The following MAGEL2 variants were observed in gnomAD, a reference collection of about 807,000 sequenced individuals.
MAGEL2 encodes the protein MAGE family member L2.
For missense variants in MAGEL2, 1,830 were observed against 1,699.2 expected, an observed-to-expected ratio of 1.08 and a Z score of -1.35; for synonymous variants, 792 against 721.7, an observed-to-expected ratio of 1.10 and a Z score of -1.56.
Position 23,645,016 on chromosome 15 carries a change from C to T in MAGEL2, c.2727G>A (p.Gln909=). 6.2e-7 allele frequency: 1 copy of T among 1,613,954 alleles called. No individual in the cohort carries two copies. The highest frequency in any genetic ancestry group is 8.5e-7 in the Non-Finnish European group (1 of 1,179,898). Residue 909 remains glutamine (Q), a synonymous_variant, in exon 1 of 1, where the codon CAG becomes CAA. Transcript: ENST00000650528. ...RGHTLAFHDW[Q]GPRPWENLNL... ...TTAGATTCTCCCAGGGCCTTGGGCC[C>T]TGCCAGTCATGAAAGGCTAGCGTGT... is the stretch of plus-strand genomic sequence containing the variant.
Position 23,645,485 on chromosome 15 carries a change from G to A in MAGEL2, c.2258C>T (p.Ala753Val). ...TGCCTTGGGAGCACAGAAGGTGGCA[G>A]CAAAGATCATGCGGTCTTTTGAAGG... ...RAPSKDRMIF[A>V]ATFCAPKAVS... Residue 753 changes from alanine to valine, a missense_variant, in exon 1 of 1, where the codon GCT becomes GTT. By Grantham distance (64) the Ala-to-Val change is moderately conservative. Coordinates refer to ENST00000650528, the MANE Select transcript of MAGEL2 (RefSeq NM_019066.5). 1.2e-6 allele frequency: 2 copies of A among 1,613,984 alleles called. No homozygotes were observed. Among genetic ancestry groups the A allele is most frequent in the Non-Finnish European group, 1.7e-6 (2 of 1,179,898 alleles).
chr15:23,644,337 G>T lies in MAGEL2; in HGVS notation c.3406C>A (p.Leu1136Met), dbSNP rs778703892. 1.9e-5 allele frequency: 30 copies of T among 1,613,806 alleles called. No homozygotes were observed. The Middle Eastern group carries it at 8.2e-4, about 44-fold the overall frequency. Residue 1136 changes from leucine (L) to methionine (M), a missense_variant, in exon 1 of 1, where the codon CTG becomes ATG. Transcript: ENST00000650528. The stretch of plus-strand genomic sequence containing the variant: ...CGGACATCCAACCCTAACTTGAACA[G>T]AAAATTAAAGATCAGATCCTCCCTG... ...CVREDLIFNF[L>M]FKLGLDVRET...
rs769676927 is a variant in MAGEL2, at chr15:23,643,998, G to C, written c.3745C>G (p.Arg1249Gly). 5 of 1,592,552 alleles carry C rather than the reference G, an allele frequency of 3.1e-6. No homozygotes were observed. Among genetic ancestry groups the C allele is most frequent in the Non-Finnish European group, 4.3e-6 (5 of 1,167,060 alleles). The change falls in exon 1 of 1, where the codon CGC becomes GGC. Residue 1249 changes from arginine to glycine, a missense_variant. By Grantham distance (125) the Arg-to-Gly change is moderately radical. Coordinates refer to ENST00000650528, the MANE Select transcript of MAGEL2 (RefSeq NM_019066.5). Reference sequence around the variant, plus strand: ...CGAGATCTCTGCTACACCTATTAGCGGGGAGGGGGCCTGCTGGTGGGGCCG... The same window carrying C: ...CGAGATCTCTGCTACACCTATTAGCCGGGAGGGGGCCTGCTGGTGGGGCCG... ...AHGPTSRPPPR is the reference protein window; with the variant it reads ...AHGPTSRPPPG
Position 23,646,355 on chromosome 15 carries a change from G to A in MAGEL2, c.1388C>T (p.Ala463Val). ...QAPPVIRQAP[A>V]VIRQAPPVIR... ...CACAGGTGGGGCCTGGCGGATCACA[G>A]CGGGGGCCTGGCGGATCACGGGTGG... The change falls in exon 1 of 1, where the codon GCT becomes GTT. Residue 463 changes from alanine (A) to valine (V), a missense_variant. Physicochemically the swap from Ala to Val is moderately conservative, Grantham distance 64. Transcript: ENST00000650528. This position sits in a 1 kb window ranked among gnomAD's most constrained non-coding sequence, Gnocchi z 4.2. 1 of 1,384,642 alleles carries A rather than the reference G, an allele frequency of 7.2e-7. No homozygotes were observed. 85.8% of individuals were successfully genotyped at this position (1,384,642 alleles called of 1,614,324 possible).
Position 23,644,983 on chromosome 15 carries a change from A to T in MAGEL2, c.2760T>A (p.Ser920Arg), listed in dbSNP as rs1205075175. Reference sequence around the variant, plus strand: ...GGATAGGGCTTTGGACCTCCCAGTCACTCAGATTTAGATTCTCCCAGGGCC... The same window carrying T: ...GGATAGGGCTTTGGACCTCCCAGTCTCTCAGATTTAGATTCTCCCAGGGCC... Reference protein sequence around the residue: ...GPRPWENLNLSDWEVQSPIQV... With the variant: ...GPRPWENLNLRDWEVQSPIQV... The change falls in exon 1 of 1, where the codon AGT (serine) becomes AGA (arginine). Residue 920 changes from serine to arginine, a missense_variant. Physicochemically the swap from Ser to Arg is moderately radical, Grantham distance 110. Transcript: ENST00000650528. The T allele has an allele frequency of 1.2e-6, 2 of 1,613,550 alleles. No homozygotes were observed. Among genetic ancestry groups the T allele is most frequent in the African/African-American group, 2.7e-5 (2 of 74,868 alleles).
At position 23,645,480 on chromosome 15, in the gene MAGEL2, T is replaced by C; in HGVS notation, c.2263A>G (p.Thr755Ala). ...GACACTGCCTTGGGAGCACAGAAGGTGGCAGCAAAGATCATGCGGTCTTTT... is the reference window on the plus strand; with the variant it reads ...GACACTGCCTTGGGAGCACAGAAGGCGGCAGCAAAGATCATGCGGTCTTTT... ...PSKDRMIFAA[T>A]FCAPKAVSAA... is the part of the protein sequence containing the mutation. The change falls in exon 1 of 1, where the codon ACC becomes GCC. Residue 755 changes from threonine to alanine, a missense_variant. By Grantham distance (58) the Thr-to-Ala change is moderately conservative. Coordinates refer to ENST00000650528, the MANE Select transcript of MAGEL2 (RefSeq NM_019066.5). 1 of 1,613,872 alleles carries C rather than the reference T, an allele frequency of 6.2e-7. No homozygotes were observed. The highest frequency in any genetic ancestry group is 8.5e-7 in the Non-Finnish European group (1 of 1,179,868).
Position 23,644,386 on chromosome 15 carries a change from G to A in MAGEL2, c.3357C>T (p.Leu1119=). 1 of 1,613,900 alleles carries A rather than the reference G, an allele frequency of 6.2e-7. No homozygotes were observed. Among genetic ancestry groups the A allele is most frequent in the Non-Finnish European group, 8.5e-7 (1 of 1,179,872 alleles). The change falls in exon 1 of 1, where the codon CTC becomes CTT. Residue 1119 remains leucine (L), a synonymous_variant. Transcript: ENST00000650528. Reference sequence around the variant, plus strand: ...TGACACAGTTGCCTTTCATAAAGATGAGGCTCAAGACCACCATCAGAAGGC... The same window carrying A: ...TGACACAGTTGCCTTTCATAAAGATAAGGCTCAAGACCACCATCAGAAGGC... ...KFGLLMVVLS[L]IFMKGNCVRE...
In MAGEL2 at chr15:23,647,452, G is replaced by A; in HGVS notation, c.291C>T (p.Gly97=). ...GPIVPAPPLG[G]PMGKPPTPGV... ...CGGGAGTCGGAGGCTTACCCATCGG[G>A]CCCCCCAGCGGGGGAGCCGGGACTA... is the stretch of plus-strand genomic sequence containing the variant. Residue 97 remains glycine, a synonymous_variant, in exon 1 of 1, where the codon GGC becomes GGT. Coordinates refer to ENST00000650528, the MANE Select transcript of MAGEL2 (RefSeq NM_019066.5). 2.6e-6 allele frequency: 4 copies of A among 1,534,988 alleles called. No individual in the cohort carries two copies. The highest frequency in any genetic ancestry group is 3.5e-6 in the Non-Finnish European group (4 of 1,146,358).
In MAGEL2 at chr15:23,643,965, C is replaced by A; in HGVS notation, c.*28G>T. On this transcript the variant is annotated 3_prime_UTR_variant, in exon 1 of 1. Coordinates refer to ENST00000650528, the MANE Select transcript of MAGEL2 (RefSeq NM_019066.5). ...TGTCAGTGGCCTCTGGCCAGGGAAA[C>A]ACAGGAGCGAGATCTCTGCTACACC... 2.6e-6 allele frequency: 4 copies of A among 1,523,640 alleles called. No homozygotes were observed. Among genetic ancestry groups the A allele is most frequent in the Admixed American group, 2.1e-5 (1 of 47,636 alleles). The allele number at this position is 1,523,640 out of a possible 1,614,324, so 94.4% of individuals were successfully genotyped here.
In MAGEL2 at chr15:23,644,392, C is replaced by T. The variant is rs1890343867; in HGVS notation, c.3351G>A (p.Leu1117=). 1.2e-6 allele frequency: 2 copies of T among 1,613,776 alleles called. No homozygotes were observed. The highest frequency in any genetic ancestry group is 1.7e-6 in the Non-Finnish European group (2 of 1,179,876). The change falls in exon 1 of 1, where the codon TTG becomes TTA. Residue 1117 remains leucine (L), a synonymous_variant. Coordinates refer to ENST00000650528, the MANE Select transcript of MAGEL2 (RefSeq NM_019066.5). ...RPKFGLLMVV[L]SLIFMKGNCV... is the part of the protein sequence containing the mutation. ...AGTTGCCTTTCATAAAGATGAGGCTCAAGACCACCATCAGAAGGCCAAACT... is the reference window on the plus strand; with the variant it reads ...AGTTGCCTTTCATAAAGATGAGGCTTAAGACCACCATCAGAAGGCCAAACT...
At position 23,644,278 on chromosome 15, in the gene MAGEL2, C is replaced by T; in HGVS notation, c.3465G>A (p.Lys1155=). Reference sequence around the variant, plus strand: ...GCCTGACAAACACTTCGGTGATGAGCTTCTTAGTATTTCCAAAGAGACCGT... The same window carrying T: ...GCCTGACAAACACTTCGGTGATGAGTTTCTTAGTATTTCCAAAGAGACCGT... ...ETNGLFGNTK[K]LITEVFVRQK... is the part of the protein sequence containing the mutation. Residue 1155 remains lysine, a synonymous_variant, in exon 1 of 1, where the codon AAG becomes AAA. Transcript: ENST00000650528. The T allele has an allele frequency of 1.2e-6, 2 of 1,613,702 alleles. No homozygotes were observed. The highest frequency in any genetic ancestry group is 1.1e-5 in the South Asian group (1 of 91,072).
rs368034669 is a variant in MAGEL2, at chr15:23,645,101, C to G, written c.2642G>C (p.Arg881Pro). The change falls in exon 1 of 1, where the codon CGC becomes CCC. Residue 881 changes from arginine (R) to proline (P), a missense_variant. Transcript: ENST00000650528. The part of the protein sequence containing the change: ...ASKTSVEPPR[R>P]SGKATRKKKH... ...CTTCTTCCGGGTGGCCTTGCCGGAGCGGCGTGGCGGCTCGACGGAGGTCTT... is the reference window on the plus strand; with the variant it reads ...CTTCTTCCGGGTGGCCTTGCCGGAGGGGCGTGGCGGCTCGACGGAGGTCTT... 4.8e-5 allele frequency: 78 copies of G among 1,613,732 alleles called. No individual in the cohort carries two copies. Among genetic ancestry groups the G allele is most frequent in the South Asian group, 2.6e-4 (24 of 91,092 alleles).
In MAGEL2 at chr15:23,646,113, T is replaced by C. The variant is rs1890396388; in HGVS notation, c.1630A>G (p.Thr544Ala). ...PQVQAAPQVP[T>A]APPATQVPAA... ...GGTACCTGCGTAGCAGGTGGGGCCG[T>C]AGGCACCTGCGGCGCCGCCTGCACC... is the stretch of plus-strand genomic sequence containing the variant. The change falls in exon 1 of 1, where the codon ACG (threonine) becomes GCG (alanine). Residue 544 changes from threonine (T) to alanine (A), a missense_variant. Thr to Ala is a moderately conservative substitution (Grantham distance 58, BLOSUM62 0). Transcript: ENST00000650528. This position sits in a 1 kb window ranked among gnomAD's most constrained non-coding sequence, Gnocchi z 4.2. 19 of 1,391,292 alleles carry C rather than the reference T, an allele frequency of 1.4e-5. No homozygotes were observed. The highest frequency in any genetic ancestry group is 1.8e-5 in the Non-Finnish European group (19 of 1,082,364). The allele number at this position is 1,391,292 out of a possible 1,614,324, so 86.2% of individuals were successfully genotyped here. A position where few individuals can be genotyped will look rare whatever the true frequency, so the allele number is the denominator to read the frequency against.
In MAGEL2 at chr15:23,645,665, A is replaced by AAGACTGCAGGCGGTGCCTGCC; in HGVS notation, c.2057_2077dup (p.Trp686_Val692dup). On this transcript the variant is annotated inframe_insertion, in exon 1 of 1. Transcript: ENST00000650528. The stretch of plus-strand genomic sequence containing the variant: ...TACCGGGGGTCCGGGCTGGGCCTGC[A>AAGACTGCAGGCGGTGCCTGCC]AGACTGCAGGCGGTGCCTGCCAGGA... 6.4e-7 allele frequency: 1 copy of AAGACTGCAGGCGGTGCCTGCC among 1,571,074 alleles called. No homozygotes were observed. Among genetic ancestry groups the AAGACTGCAGGCGGTGCCTGCC allele is most frequent in the Non-Finnish European group, 8.6e-7 (1 of 1,161,222 alleles).
Position 23,647,497 on chromosome 15 carries a change from A to G in MAGEL2, c.246T>C (p.Pro82=), listed in dbSNP as rs1318128287. 4.6e-6 allele frequency: 7 copies of G among 1,531,178 alleles called. No homozygotes were observed. Among genetic ancestry groups the G allele is most frequent in the Non-Finnish European group, 6.1e-6 (7 of 1,144,568 alleles). The allele number at this position is 1,531,178 out of a possible 1,614,324, so 94.8% of individuals were successfully genotyped here. Residue 82 remains proline, a synonymous_variant, in exon 1 of 1, where the codon CCT becomes CCC. Coordinates refer to ENST00000650528, the MANE Select transcript of MAGEL2 (RefSeq NM_019066.5). Reference sequence around the variant, plus strand: ...GGACTATCGGGCCCCCTAGGGCAGGAGGCTGGGTCATCGGAACCACCGGGG... The same window carrying G: ...GGACTATCGGGCCCCCTAGGGCAGGGGGCTGGGTCATCGGAACCACCGGGG... The part of the protein sequence containing the change: ...LPAPVVPMTQ[P]PALGGPIVPA...
At position 23,647,105 on chromosome 15, in the gene MAGEL2, G is replaced by A; in HGVS notation, c.638C>T (p.Pro213Leu). The A allele has an allele frequency of 2.0e-6, 3 of 1,531,910 alleles. No homozygotes were observed. The highest frequency in any genetic ancestry group is 1.7e-6 in the Non-Finnish European group (2 of 1,144,452). The allele number at this position is 1,531,910 out of a possible 1,614,324, so 94.9% of individuals were successfully genotyped here. A position where few individuals can be genotyped will look rare whatever the true frequency, so the allele number is the denominator to read the frequency against. ...ATGAGCCATCGGTGTCCCCGGAGGTGGAGGATGAGCCATCGGTGTCCCCGG... is the reference window on the plus strand; with the variant it reads ...ATGAGCCATCGGTGTCCCCGGAGGTAGAGGATGAGCCATCGGTGTCCCCGG... ...PPPGTPMAHP[P>L]PPGTPMAHPP... The change falls in exon 1 of 1, where the codon CCA becomes CTA. Residue 213 changes from proline (P) to leucine (L), a missense_variant. Transcript: ENST00000650528.
rs1459919141 is a variant in MAGEL2 at position 23,646,430 on chromosome 15, C to T, written c.1313G>A (p.Arg438His). 6 of 1,409,694 alleles carry T rather than the reference C, an allele frequency of 4.3e-6. No individual in the cohort carries two copies. Among genetic ancestry groups the T allele is most frequent in the Non-Finnish European group, 5.5e-6 (6 of 1,093,064 alleles). The allele number at this position is 1,409,694 out of a possible 1,614,324, so 87.3% of individuals were successfully genotyped here. ...CTGGCGGATCACCGGTGGGGCCTGG[C>T]GGATCAGCGGTGGGGCCTGTCGCAC... ...PPVRQAPPLI[R>H]QAPPVIRQAP... The change falls in exon 1 of 1, where the codon CGC (arginine) becomes CAC (histidine). Residue 438 changes from arginine to histidine, a missense_variant. Arg to His is a conservative substitution (Grantham distance 29, BLOSUM62 0). Transcript: ENST00000650528. This position sits in a 1 kb window ranked among gnomAD's most constrained non-coding sequence, Gnocchi z 4.2.
chr15:23,647,527 C>A lies in MAGEL2; in HGVS notation c.216G>T (p.Leu72=). The change falls in exon 1 of 1, where the codon CTG becomes CTT. Residue 72 remains leucine, a synonymous_variant. Coordinates refer to ENST00000650528, the MANE Select transcript of MAGEL2 (RefSeq NM_019066.5). ...GGGTCATCGGAACCACCGGGGCGGG[C>A]AGCTGGCCCTGTGGGGCCTCCCAGG... is the stretch of plus-strand genomic sequence containing the variant. The part of the protein sequence containing the change: ...QPAWEAPQGQ[L]PAPVVPMTQP... 6.5e-7 allele frequency: 1 copy of A among 1,531,322 alleles called. No homozygotes were observed. Among genetic ancestry groups the A allele is most frequent in the Non-Finnish European group, 8.7e-7 (1 of 1,144,828 alleles). 94.9% of individuals were successfully genotyped at this position (1,531,322 alleles called of 1,614,324 possible). A position where few individuals can be genotyped will look rare whatever the true frequency, so the allele number is the denominator to read the frequency against.
Position 23,645,276 on chromosome 15 carries a change from C to T in MAGEL2, c.2467G>A (p.Asp823Asn). The part of the protein sequence containing the change: ...TPKSLPYALQ[D>N]PFACVEALPA... The stretch of plus-strand genomic sequence containing the variant: ...AGGGCCTCTACACAGGCAAAGGGAT[C>T]CTGCAGAGCATATGGCAGTGACTTT... Residue 823 changes from aspartate to asparagine, a missense_variant, in exon 1 of 1, where the codon GAT (aspartate) becomes AAT (asparagine). Transcript: ENST00000650528. 1 of 1,613,992 alleles carries T rather than the reference C, an allele frequency of 6.2e-7. No individual in the cohort carries two copies. Among genetic ancestry groups the T allele is most frequent in the Non-Finnish European group, 8.5e-7 (1 of 1,179,896 alleles).
Sources: gnomAD v4.1 joint callset for allele counts on GRCh38, gnomAD v4.1.1 for gene constraint, Gnocchi (gnomAD v3.1) non-coding constraint, MANE v1.5 for transcripts, NCBI Gene and HGNC (gene_info 2026-07-23, HGNC 2026-07-21) for gene names.